CPNE4: variants seen among roughly 807,000 people sequenced by gnomAD.
The protein encoded by CPNE4 is copine-4.
A neutral mutation model predicts 67.9 loss-of-function variants in CPNE4; 25 were observed. That is an observed-to-expected ratio of 0.37 (90% CI 0.27 to 0.51). The LOEUF (loss-of-function observed/expected upper bound fraction) is 0.51. Among genes scored for constraint, CPNE4 ranks in the 20% least tolerant of loss-of-function variants. The probability of loss-of-function intolerance (pLI) is 0.93; values close to 1 mark genes in which losing one functional copy is unlikely to be tolerated. For missense variants in CPNE4, 464 were observed against 690.8 expected (o/e 0.67, Z 3.68); for synonymous variants, 242 against 244.9 (o/e 0.99, Z 0.11).
Position 131,567,318 on chromosome 3 carries a change from A to T in CPNE4, c.928-2969T>A, listed in dbSNP as rs570687957. Among the ~76,000 whole-genome samples the T allele has an allele frequency of 4.6e-5, 7 of 152,144 alleles. No individual in the cohort carries two copies. In the South Asian group the frequency reaches 1.5e-3, roughly 32 times the overall value. ...CTAGTGGCAGCATCTGAGCCAGAGT[A>T]TATCACCTGGATGAATATGTTATAT... On this transcript the variant is annotated intron_variant, in intron 10 of 15. Transcript: ENST00000429747.
At chr3:131,863,831 G>A (rs1295550212) in intron 2 of CPNE4, among the ~76,000 whole-genome samples, 1 of 152,128 alleles carries the variant, frequency 6.6e-6, no homozygotes, top group Non-Finnish European at 1.5e-5. Flanking sequence ...GGCTTTTTAT[G>A]GTTTTAGGTC....
intron 7 of CPNE4, among the ~76,000 whole-genome samples, chr3:131,615,237 A>G (rs1940068091): frequency 6.6e-6 from 1 of 152,188 alleles, no homozygotes; most frequent in African/African-American, 2.4e-5. Flanking sequence ...AGAATCAAAT[A>G]CCGTAAGATT....
Position 131,722,778 on chromosome 3 carries a change from G to T in CPNE4, c.360+668C>A, listed in dbSNP as rs151166037. Among the ~76,000 whole-genome samples, 30 of 152,214 alleles carry T rather than the reference G, an allele frequency of 2.0e-4. No individual in the cohort carries two copies. In the East Asian group the frequency reaches 2.7e-3, roughly 14 times the overall value. The stretch of plus-strand genomic sequence containing the variant: ...ATTTCTGGGTACAACAAAAAGGAAA[G>T]GAAAAAAGGAAAAGTATTACAGAAG... On this transcript the variant is annotated intron_variant, in intron 3 of 15. Transcript: ENST00000429747.
At chr3:131,736,075 T>A (rs915318653) in intron 2 of CPNE4, among the ~76,000 whole-genome samples, 7 of 152,150 alleles carry the variant, frequency 4.6e-5, no homozygotes, top group Non-Finnish European at 1.0e-4. Flanking sequence ...CTGCCTTCTC[T>A]CCACAGTTAA....
At chr3:131,794,534 C>A (rs2083867956) in intron 2 of CPNE4, among the ~76,000 whole-genome samples, 1 of 152,160 alleles carries the variant, frequency 6.6e-6, no homozygotes, top group Non-Finnish European at 1.5e-5. Context: ...TGAGCCACCA[C>A]ACCCAGCTGG....
At chr3:131,702,538 G>T (rs1043582751) in intron 3 of CPNE4, among the ~76,000 whole-genome samples, 2 of 152,182 alleles carry the variant, frequency 1.3e-5, no homozygotes, top group East Asian at 3.9e-4. Flanking sequence ...TCTGGTCTCA[G>T]AAATACTAAT....
chr3:131,807,990 A>G (rs1011511554), intron 2 of CPNE4, among the ~76,000 whole-genome samples: 3 of 152,208 alleles, frequency 2.0e-5, no homozygotes, highest in Admixed American at 6.5e-5. Flanking sequence ...GGCATGAAGC[A>G]TAAGGTAATG....
intron 8 of CPNE4, 33 bp from the exon 9 acceptor site, chr3:131,581,698 C>T (rs1210695848): frequency 6.6e-7 from 1 of 1,506,834 alleles, no homozygotes. Context: ...AGAATCTGTT[C>T]AGGAAAAAGC....
intron 8 of CPNE4, among the ~76,000 whole-genome samples, chr3:131,582,590 G>A (rs1937908687): frequency 6.6e-6 from 1 of 152,144 alleles, no homozygotes; most frequent in Admixed American, 6.6e-5. Context: ...ATTCCTCTCA[G>A]TGTCCATGCA....
chr3:131,849,413 G>C (rs998498130), intron 2 of CPNE4, among the ~76,000 whole-genome samples: 3 of 152,136 alleles, frequency 2.0e-5, no homozygotes, highest in Admixed American at 1.3e-4. Flanking sequence ...AGGGAAACAG[G>C]AATGTTTTAC....
At chr3:132,029,541 G>A (rs7636048) in intron 1 of CPNE4, among the ~76,000 whole-genome samples, 96,113 of 151,890 alleles carry the variant, frequency 0.63, 31,124 homozygotes, top group Middle Eastern at 0.7. Flanking sequence ...CAGCTCCTAG[G>A]GCTTGCCCTG....
intron 2 of CPNE4, among the ~76,000 whole-genome samples, chr3:131,877,574 G>A (rs67010440): frequency 1.3e-5 from 2 of 152,106 alleles, no homozygotes; most frequent in East Asian, 3.9e-4. Context: ...ATAAAAATGA[G>A]TCAAGAATAG....
At chr3:131,844,813 G>C (rs2085934602) in intron 2 of CPNE4, among the ~76,000 whole-genome samples, 1 of 151,982 alleles carries the variant, frequency 6.6e-6, no homozygotes, top group Non-Finnish European at 1.5e-5. Context: ...TAGCCACATT[G>C]CATCTTCCTT....
intron 1 of CPNE4, among the ~76,000 whole-genome samples, chr3:131,923,347 A>G (rs904292670): frequency 2.0e-5 from 3 of 152,158 alleles, no homozygotes; most frequent in Non-Finnish European, 4.4e-5. Context: ...GAGAGATCTC[A>G]CTAGTTCTGA....
At position 131,945,898 on chromosome 3, in the gene CPNE4, C is replaced by T. The variant is rs150342661; in HGVS notation, c.-1-40454G>A. 4.8e-3 allele frequency among the ~76,000 whole-genome samples: 736 copies of T among 152,278 alleles called. 6 individuals carry two copies. Among genetic ancestry groups the T allele is most frequent in the African/African-American group, 0.017 (707 of 41,546 alleles). On this transcript the variant is annotated intron_variant, in intron 1 of 15. Coordinates refer to ENST00000429747, the MANE Select transcript of CPNE4 (RefSeq NM_130808.3). ...ACTGCCCGCGTGGAGGCCAGCAGTG[C>T]ACAACCCTTGCTGCACATCTGAACC...
chr3:131,735,570 G>A (rs982350536), intron 2 of CPNE4, among the ~76,000 whole-genome samples: 2 of 152,160 alleles, frequency 1.3e-5, no homozygotes, highest in Non-Finnish European at 2.9e-5. Context: ...TTCCAAACTT[G>A]TTTAGCCCTC....
At chr3:131,917,386 G>T (rs552175321) in intron 1 of CPNE4, among the ~76,000 whole-genome samples, 2 of 152,284 alleles carry the variant, frequency 1.3e-5, no homozygotes, top group South Asian at 4.1e-4. Flanking sequence ...ATGTTTGAAA[G>T]GGAGGACATG....
At chr3:131,850,664 T>A (rs985138368) in intron 2 of CPNE4, among the ~76,000 whole-genome samples, 1 of 152,278 alleles carries the variant, frequency 6.6e-6, no homozygotes, top group Non-Finnish European at 1.5e-5. Flanking sequence ...GTACAGCACT[T>A]TATTAGGGAC....
At chr3:131,816,078 GAGTC>G (rs894237896) in intron 2 of CPNE4, among the ~76,000 whole-genome samples, 1 of 152,208 alleles carries the variant, frequency 6.6e-6, no homozygotes, top group African/African-American at 2.4e-5. Context: ...AGGCAAGATG[GAGTC>G]AGCTGTTAGA....
Sources: allele counts gnomAD v4.1 joint callset (sites outside exome capture counted in the v4.1 genomes callset), GRCh38; gene constraint gnomAD v4.1.1; transcripts MANE v1.5; gene names NCBI Gene and HGNC (gene_info 2026-07-23, HGNC 2026-07-21).